DMD: variants seen among roughly 807,000 people sequenced by gnomAD.
The protein encoded by DMD is dystrophin, also known as mutant dystrophin.
DMD carries 63 observed loss-of-function variants against 330.1 expected under a neutral mutation model. The ratio of observed to expected loss-of-function variants is 0.19; its 90% CI spans 0.16 to 0.24. The LOEUF (loss-of-function observed/expected upper bound fraction) is 0.24. DMD is among the 10% of genes least tolerant of loss of function. The pLI is 1.00. For synonymous variants in DMD, 1,223 were observed against 959.8 expected, an observed-to-expected ratio of 1.27 and a Z score of -5.07; for missense variants, 3,344 against 2,684.1, an observed-to-expected ratio of 1.25 and a Z score of -5.43.
At chrX:31,638,648 T>C (rs573434639) in intron 54 of DMD, among the ~76,000 whole-genome samples, 2 of 112,683 alleles carry the variant, frequency 1.8e-5, no homozygotes, top group African/African-American at 3.2e-5. Flanking sequence ...AAGTTTTTCA[T>C]TGTAAAACAT....
At chrX:32,737,786 A>G (rs1216267607) in intron 7 of DMD, among the ~76,000 whole-genome samples, 1 of 111,896 alleles carries the variant, frequency 8.9e-6, no homozygotes. Context: ...TTACATCAAT[A>G]GTACATGAAT....
chrX:32,856,460 T>A lies in DMD; in HGVS notation c.94-6640A>T, dbSNP rs141914264. Among the ~76,000 whole-genome samples, 937 of 109,224 alleles carry A rather than the reference T, an allele frequency of 8.6e-3. 9 individuals carry two copies. The highest frequency in any genetic ancestry group is 0.05 in the East Asian group (176 of 3,522). The allele number at this position is 109,224 out of a possible 115,157, so 94.8% of individuals were successfully genotyped here. On this transcript the variant is annotated intron_variant, in intron 2 of 78. Transcript: ENST00000357033. ...AAAGAAAATGTGGTACATATATACG[T>A]AGTGGAGTACTACTCAGTCATAAAA...
At chrX:32,237,855 T>C (rs1311493268) in intron 43 of DMD, among the ~76,000 whole-genome samples, 1 of 111,925 alleles carries the variant, frequency 8.9e-6, no homozygotes, top group Non-Finnish European at 1.9e-5. Context: ...TTGTGTTGGA[T>C]ATGTTGCAAA....
chrX:31,818,659 C>T (rs2092688327), intron 50 of DMD, among the ~76,000 whole-genome samples: 1 of 110,187 alleles, frequency 9.1e-6, no homozygotes, highest in African/African-American at 3.3e-5. Flanking sequence ...GCTGAGGGAA[C>T]CAAAAATTAC....
chrX:31,376,021 C>T (rs905996166), intron 60 of DMD, among the ~76,000 whole-genome samples: 2 of 111,629 alleles, frequency 1.8e-5, no homozygotes, highest in Non-Finnish European at 3.8e-5. Flanking sequence ...AGCTCCCTGC[C>T]TCCTCTGACA....
At chrX:32,922,351 A>C (rs2088509564) in intron 2 of DMD, among the ~76,000 whole-genome samples, 1 of 111,918 alleles carries the variant, frequency 8.9e-6, no homozygotes, top group African/African-American at 3.2e-5. Flanking sequence ...TTGCAGTAAT[A>C]TACAAGTGCT....
At chrX:32,771,707 G>T in intron 7 of DMD, among the ~76,000 whole-genome samples, 1 of 111,531 alleles carries the variant, frequency 9.0e-6, no homozygotes, top group Admixed American at 9.5e-5. Context: ...ACGAGTTTCT[G>T]TACCACTTTT....
chrX:33,248,683 G>A (rs893221627), intron 1 of DMD, among the ~76,000 whole-genome samples: 1 of 111,989 alleles, frequency 8.9e-6, no homozygotes, highest in Non-Finnish European at 1.9e-5. Flanking sequence ...CAGAGGAAGA[G>A]AAAATTATCC....
intron 74 of DMD, among the ~76,000 whole-genome samples, chrX:31,147,741 G>T (rs1399808716): frequency 9.2e-6 from 1 of 109,227 alleles, no homozygotes; most frequent in Non-Finnish European, 1.9e-5. Context: ...CTTTTGCCTG[G>T]TGTGTGAAGG....
chrX:32,364,282 T>C (rs112520545), intron 36 of DMD, among the ~76,000 whole-genome samples: 46 of 112,267 alleles, frequency 4.1e-4, no homozygotes, highest in African/African-American at 1.5e-3. Flanking sequence ...AGTACCACCA[T>C]TGACAAAGGC....
rs748598265 is a variant in DMD at position 33,250,110 on chromosome X, T to TATATATATATATATA, written c.7+89148_7+89149insTATATATATATATAT. Among the ~76,000 whole-genome samples the TATATATATATATATA allele has an allele frequency of 4.2e-3, 412 of 97,840 alleles. 9 individuals are homozygous for TATATATATATATATA. Among genetic ancestry groups the TATATATATATATATA allele is most frequent in the African/African-American group, 0.017 (399 of 23,727 alleles). The allele number at this position is 97,840 out of a possible 115,157, so 85.0% of individuals were successfully genotyped here. A position where few individuals can be genotyped will look rare whatever the true frequency, so the allele number is the denominator to read the frequency against. On this transcript the variant is annotated intron_variant, in intron 1 of 17. Transcript: ENST00000288447. ...TTATATATATATATATATATATATA[T>TATATATATATATATA]ATCAATGTACACTTGTATGTATGTA...
intron 11 of DMD, among the ~76,000 whole-genome samples, chrX:32,643,449 C>A (rs1366167342): frequency 2.7e-5 from 3 of 109,620 alleles, no homozygotes; most frequent in African/African-American, 9.9e-5. Context: ...CACTTCATTT[C>A]TTTTCATTTA....
chrX:31,748,812 C>T (rs966223238), intron 51 of DMD, among the ~76,000 whole-genome samples: 8 of 111,481 alleles, frequency 7.2e-5, no homozygotes, highest in Non-Finnish European at 1.3e-4. Context: ...AAATGAAGCA[C>T]GGAATGAAGC....
intron 34 of DMD, among the ~76,000 whole-genome samples, chrX:32,378,999 T>C (rs1310259765): frequency 9.6e-6 from 1 of 104,094 alleles, no homozygotes; most frequent in African/African-American, 3.5e-5. Flanking sequence ...TTTATGATTG[T>C]TATTTTTAAA....
intron 63 of DMD, among the ~76,000 whole-genome samples, chrX:31,241,074 A>G (rs1210389055): frequency 2.9e-5 from 2 of 69,993 alleles, no homozygotes; most frequent in Non-Finnish European, 5.5e-5. Flanking sequence ...TGCTCAGTAA[A>G]AGTTAGGAAC....
intron 1 of DMD, among the ~76,000 whole-genome samples, chrX:33,263,977 A>G (rs2053002181): frequency 9.0e-6 from 1 of 111,243 alleles, no homozygotes; most frequent in South Asian, 3.7e-4. Flanking sequence ...CTTCTTTCAA[A>G]TCTAGTCTAA....
chrX:31,656,795 G>A (rs556415734), intron 54 of DMD, among the ~76,000 whole-genome samples: 2 of 111,559 alleles, frequency 1.8e-5, no homozygotes, highest in Non-Finnish European at 3.8e-5. Flanking sequence ...TTCTCCACCA[G>A]GGTCTTTTTC....
chrX:31,253,946 C>G (rs1371729500), intron 63 of DMD, among the ~76,000 whole-genome samples: 3 of 112,061 alleles, frequency 2.7e-5, no homozygotes, highest in African/African-American at 9.7e-5. Context: ...AGGTGAGCAT[C>G]ATGCTGGATA....
At chrX:31,732,610 C>T (rs775968075) in intron 51 of DMD, among the ~76,000 whole-genome samples, 64 of 111,018 alleles carry the variant, frequency 5.8e-4, no homozygotes, top group African/African-American at 2.0e-3. Flanking sequence ...CTGACCTTCA[C>T]CTCTATTCCT....
Sources: allele counts gnomAD v4.1 joint callset (sites outside exome capture counted in the v4.1 genomes callset), GRCh38; gene constraint gnomAD v4.1.1; transcripts MANE v1.5; gene names NCBI Gene and HGNC (gene_info 2026-07-23, HGNC 2026-07-21).